Variants in SULT6B1 observed in about 807,000 individuals in gnomAD.
SULT6B1 encodes the protein sulfotransferase family 6B member 1, also known as sulfotransferase 6B1.
Under a neutral mutation model 37.2 loss-of-function variants are expected in SULT6B1, and 44 were observed. The observed-to-expected ratio is 1.18, with a 90% CI of 0.93 to 1.52. The LOEUF is 1.52. Ranked by LOEUF, SULT6B1 falls within the 40% of genes most tolerant of loss-of-function variation. SULT6B1 has a pLI of 0.00. For missense variants in SULT6B1, 450 were observed against 361.0 expected, an observed-to-expected ratio of 1.25 and a Z score of -2.00; for synonymous variants, 140 against 126.0, an observed-to-expected ratio of 1.11 and a Z score of -0.74.
chr2:37,184,849 A>G (rs1572464316), intron 2 of SULT6B1, among the ~76,000 whole-genome samples: 2 of 152,196 alleles, frequency 1.3e-5, no homozygotes, highest in African/African-American at 2.4e-5. Flanking sequence ...AAAAACAACA[A>G]AACTTAGTGG....
At chr2:37,188,019 T>C (rs1031489608) in intron 1 of SULT6B1, among the ~76,000 whole-genome samples, 1 of 152,196 alleles carries the variant, frequency 6.6e-6, no homozygotes, top group Non-Finnish European at 1.5e-5. Flanking sequence ...GATGGAGCAA[T>C]ATTTGATCCT....
At chr2:37,172,855 CGTTT>C (rs1351454752) in intron 5 of SULT6B1, among the ~76,000 whole-genome samples, 5 of 137,992 alleles carry the variant, frequency 3.6e-5, no homozygotes, top group Middle Eastern at 4.3e-3. Flanking sequence ...TTTGGTTTTT[CGTTT>C]GTTTGTTTTT....
intron 3 of SULT6B1, among the ~76,000 whole-genome samples, chr2:37,181,747 C>T (rs1389920740): frequency 3.3e-5 from 5 of 152,138 alleles, no homozygotes; most frequent in Non-Finnish European, 5.9e-5. Flanking sequence ...GCCTGCGTGC[C>T]CCAAGTCCAA....
chr2:37,177,275 A>T (rs2148289795), intron 4 of SULT6B1, among the ~76,000 whole-genome samples: 1 of 152,130 alleles, frequency 6.6e-6, no homozygotes, highest in East Asian at 1.9e-4. Flanking sequence ...AAGAAAAAAA[A>T]TCAGCTGCGC....
At chr2:37,170,343 T>G (rs938728776) in intron 6 of SULT6B1, among the ~76,000 whole-genome samples, 3 of 152,158 alleles carry the variant, frequency 2.0e-5, no homozygotes, top group African/African-American at 7.2e-5. Context: ...AATGGGTACC[T>G]GTAATCCCAG....
chr2:37,182,549 G>C (rs866129894), intron 3 of SULT6B1, among the ~76,000 whole-genome samples: 4 of 152,154 alleles, frequency 2.6e-5, no homozygotes, highest in African/African-American at 9.6e-5. Flanking sequence ...GGCTGGTCTC[G>C]AACTACTGAC....
At chr2:37,170,737 C>CA (rs10617061) in intron 6 of SULT6B1, among the ~76,000 whole-genome samples, 5,352 of 93,772 alleles carry the variant, frequency 0.057, 287 homozygotes, top group African/African-American at 0.16. Flanking sequence ...GATTCTGTCT[C>CA]AAAAAAAAAA....
chr2:37,184,531 C>T (rs929910103), intron 2 of SULT6B1, among the ~76,000 whole-genome samples: 1 of 152,164 alleles, frequency 6.6e-6, no homozygotes. Flanking sequence ...ACATCTGTAG[C>T]GGTCACTTAC....
intron 6 of SULT6B1, among the ~76,000 whole-genome samples, chr2:37,170,375 G>A (rs1381204574): frequency 1.3e-5 from 2 of 152,136 alleles, no homozygotes; most frequent in Non-Finnish European, 2.9e-5. Context: ...GCTGAGGCAG[G>A]AGAATCACTT....
At chr2:37,181,583 G>T (rs1287231598) in intron 3 of SULT6B1, among the ~76,000 whole-genome samples, 1 of 151,246 alleles carries the variant, frequency 6.6e-6, no homozygotes, top group Admixed American at 6.6e-5. Context: ...GTCTCACTAT[G>T]TTGCCAAGGC....
At chr2:37,176,253 G>A (rs1351247807) in intron 4 of SULT6B1, among the ~76,000 whole-genome samples, 1 of 139,582 alleles carries the variant, frequency 7.2e-6, no homozygotes, top group Non-Finnish European at 1.5e-5. Context: ...ATAGTAACAC[G>A]CAATAGCTTT....
At chr2:37,172,682 A>G (rs1572455556) in intron 5 of SULT6B1, among the ~76,000 whole-genome samples, 2 of 151,370 alleles carry the variant, frequency 1.3e-5, no homozygotes, top group East Asian at 2.0e-4. Flanking sequence ...TAATTTTTGT[A>G]TTTTTAGTAG....
At chr2:37,182,748 G>A (rs1014137121) in intron 3 of SULT6B1, among the ~76,000 whole-genome samples, 2 of 151,846 alleles carry the variant, frequency 1.3e-5, no homozygotes, top group Admixed American at 1.3e-4. Flanking sequence ...GAAAGGGTTG[G>A]GTAAAAACTA....
intron 2 of SULT6B1, among the ~76,000 whole-genome samples, chr2:37,184,948 G>A (rs1676640290): frequency 6.6e-6 from 1 of 152,160 alleles, no homozygotes; most frequent in African/African-American, 2.4e-5. Context: ...GCGGTGACTA[G>A]CAGTGTAAAA....
Position 37,194,894 on chromosome 2 carries a change from TTCTTTCCTTCCTTCCTTCCTTCC to T in SULT6B1, c.-22+1599_-22+1621del, listed in dbSNP as rs1676871188. ...CTCCCTCCCTCCCTTCCTTCCTTCC[TTCTTTCCTTCCTTCCTTCCTTCC>T]TTCCTTCCTTCCTTCCTTCCTTCCT... On this transcript the variant is annotated intron_variant, in intron 1 of 7. Transcript: ENST00000407963. Among the ~76,000 whole-genome samples, 11 of 30,022 alleles carry T rather than the reference TTCTTTCCTTCCTTCCTTCCTTCC, an allele frequency of 3.7e-4. No homozygotes were observed. In the South Asian group the frequency reaches 5.5e-3, roughly 15 times the overall value. The allele number at this position is 30,022 out of a possible 152,430, so 19.7% of individuals were successfully genotyped here. A position where few individuals can be genotyped will look rare whatever the true frequency, so the allele number is the denominator to read the frequency against.
At chr2:37,187,018 C>T (rs1399073358) in intron 2 of SULT6B1, among the ~76,000 whole-genome samples, 7 of 152,118 alleles carry the variant, frequency 4.6e-5, no homozygotes, top group Non-Finnish European at 1.5e-5. Flanking sequence ...TTACTTTCCC[C>T]CTACTTAAAA....
intron 2 of SULT6B1, among the ~76,000 whole-genome samples, chr2:37,183,861 C>T (rs1374127584): frequency 6.6e-6 from 1 of 152,152 alleles, no homozygotes; most frequent in African/African-American, 2.4e-5. Context: ...CCTGGCTGGT[C>T]TGAAACTCCT....
upstream of SULT6B1, chr2:37,191,226 A>G (rs1487096612): frequency 4.2e-5 from 6 of 144,488 alleles, no homozygotes; most frequent in African/African-American, 7.7e-5. Flanking sequence ...TTTACCTGCT[A>G]TGAGAAACAA....
At position 37,175,223 on chromosome 2, in the gene SULT6B1, G is replaced by C. The variant is rs1676391341; in HGVS notation, c.533C>G (p.Ser178Cys). 1 of 1,569,688 alleles carries C rather than the reference G, an allele frequency of 6.4e-7. No homozygotes were observed. The highest frequency in any genetic ancestry group is 8.7e-7 in the Non-Finnish European group (1 of 1,154,718). ...TGCAAAATCAAAATACCTTCCCCAA[G>C]AAACTAAAAACACAGGGGGGAAGAC... ...FFRQFMKGQV[S>C]WGRYFDFAIN... Residue 178 changes from serine (S) to cysteine (C), a missense_variant, in exon 5 of 7, where the codon TCT (serine) becomes TGT (cysteine). Coordinates refer to ENST00000535679, the MANE Select transcript of SULT6B1 (RefSeq NM_001367551.1).
Sources: allele counts gnomAD v4.1 joint callset (sites outside exome capture counted in the v4.1 genomes callset), GRCh38; gene constraint gnomAD v4.1.1; transcripts MANE v1.5; gene names NCBI Gene and HGNC (gene_info 2026-07-23, HGNC 2026-07-21).